The following MEOX1 variants were observed in gnomAD, a reference collection of about 807,000 sequenced individuals.
MEOX1 encodes the protein homeobox protein MOX-1.
MEOX1 carries 17 observed loss-of-function variants against 23.2 expected under a neutral mutation model. The observed-to-expected ratio is 0.73, with a 90% CI of 0.50 to 1.10. The LOEUF is 1.10. MEOX1 is among the 50% of genes least tolerant of loss of function. The probability of loss-of-function intolerance (pLI) is 0.00; values close to 1 mark genes in which losing one functional copy is unlikely to be tolerated. For missense variants in MEOX1, 333 were observed against 332.2 expected, an observed-to-expected ratio of 1.00 and a Z score of -0.02; for synonymous variants, 134 against 135.1, an observed-to-expected ratio of 0.99 and a Z score of 0.06.
intron 1 of MEOX1, among the ~76,000 whole-genome samples, chr17:43,651,175 C>T (rs540543958): frequency 1.5e-3 from 230 of 152,108 alleles, no homozygotes; most frequent in African/African-American, 4.9e-3. Flanking sequence ...AAAAATTAGC[C>T]GGGTGTGGTG....
intron 2 of MEOX1, among the ~76,000 whole-genome samples, chr17:43,643,170 G>A (rs1362276829): frequency 2.0e-5 from 3 of 152,104 alleles, no homozygotes; most frequent in Non-Finnish European, 4.4e-5. Flanking sequence ...AAAATTAGCC[G>A]GGCGTGGTGG....
At chr17:43,658,378 G>A (rs1973078590) in intron 1 of MEOX1, among the ~76,000 whole-genome samples, 1 of 152,114 alleles carries the variant, frequency 6.6e-6, no homozygotes, top group African/African-American at 2.4e-5. Flanking sequence ...GAGGGGGCGT[G>A]CGCCTATAAT....
intron 2 of MEOX1, among the ~76,000 whole-genome samples, chr17:43,643,207 G>C (rs1019292555): frequency 6.6e-6 from 1 of 152,222 alleles, no homozygotes; most frequent in Non-Finnish European, 1.5e-5. Flanking sequence ...AGCTACTTGG[G>C]AGGCTAAGGC....
At position 43,654,976 on chromosome 17, in the gene MEOX1, C is replaced by T. The variant is rs532939149; in HGVS notation, c.469+6090G>A. On this transcript the variant is annotated intron_variant, in intron 1 of 2. Coordinates refer to ENST00000318579, the MANE Select transcript of MEOX1 (RefSeq NM_004527.4). ...CTGAGGTAGGAGAATGGCATGAACC[C>T]GGGAGGCGGAGCTTGCAGTGAGCTG... Among the ~76,000 whole-genome samples the T allele has an allele frequency of 7.3e-5, 11 of 151,704 alleles. No homozygotes were observed. In the East Asian group the frequency reaches 1.6e-3, roughly 22 times the overall value.
chr17:43,651,821 G>A (rs1474117957), intron 1 of MEOX1, among the ~76,000 whole-genome samples: 1 of 152,266 alleles, frequency 6.6e-6, no homozygotes, highest in Non-Finnish European at 1.5e-5. Context: ...GCATGGGAGA[G>A]TGGCGGAGCA....
Position 43,641,855 on chromosome 17 carries a change from G to T in MEOX1, c.*55C>A. 6.4e-7 allele frequency: 1 copy of T among 1,553,198 alleles called. No individual in the cohort carries two copies. The highest frequency in any genetic ancestry group is 8.7e-7 in the Non-Finnish European group (1 of 1,147,550). On this transcript the variant is annotated 3_prime_UTR_variant, in exon 3 of 3. Transcript: ENST00000318579. ...AAGAGGGTGAAGGTGGGATTGGGGT[G>T]GGGGTAGTTGGGTAGGGGGCTCAGT...
At chr17:43,646,944 G>A (rs543111112) in intron 1 of MEOX1, among the ~76,000 whole-genome samples, 9 of 152,308 alleles carry the variant, frequency 5.9e-5, no homozygotes, top group South Asian at 2.1e-4. Context: ...CCGAGATTGC[G>A]CCATTGCTCT....
At position 43,641,770 on chromosome 17, in the gene MEOX1, G is replaced by T; in HGVS notation, c.*140C>A. The T allele has an allele frequency of 1.2e-6, 1 of 857,580 alleles. No individual in the cohort carries two copies. Among genetic ancestry groups the T allele is most frequent in the Non-Finnish European group, 1.8e-6 (1 of 563,796 alleles). 53.1% of individuals were successfully genotyped at this position (857,580 alleles called of 1,614,324 possible). On this transcript the variant is annotated 3_prime_UTR_variant, in exon 3 of 3. Coordinates refer to ENST00000318579, the MANE Select transcript of MEOX1 (RefSeq NM_004527.4). ...AATCCTAAGACTCCCAGGAATGCTG[G>T]GCAGTTTCATATCCAAGAGTCAGGG...
At position 43,661,392 on chromosome 17, in the gene MEOX1, T is replaced by C. The variant is rs1383488506; in HGVS notation, c.143A>G (p.Lys48Arg). 1 of 1,613,250 alleles carries C rather than the reference T, an allele frequency of 6.2e-7. No individual in the cohort carries two copies. Among genetic ancestry groups the C allele is most frequent in the Admixed American group, 1.7e-5 (1 of 59,982 alleles). ...YPPTPFSFHQ[K>R]PDFLATATAA... is the part of the protein sequence containing the mutation. Reference sequence around the variant, plus strand: ...CGTCGCTGTCGCCAGGAAGTCTGGTTTCTGGTGGAAGGAGAACGGGGTGGG... The same window carrying C: ...CGTCGCTGTCGCCAGGAAGTCTGGTCTCTGGTGGAAGGAGAACGGGGTGGG... The change falls in exon 1 of 3, where the codon AAA (lysine) becomes AGA (arginine). Residue 48 changes from lysine to arginine, a missense_variant. Transcript: ENST00000318579.
rs760261039 is a variant in MEOX1, at chr17:43,642,030, G to C, written c.645C>G (p.Val215=). Residue 215 remains valine (V), a splice_region_variant and synonymous_variant, in exon 3 of 3, where the codon GTC becomes GTG. Transcript: ENST00000318579. ...AVNLDLSERQ[V]KVWFQNRRMK... ...TCCTTCGGTTCTGGAACCACACTTTGACCTGGGGGAGGAAGCAAAGGAGCC... is the reference window on the plus strand; with the variant it reads ...TCCTTCGGTTCTGGAACCACACTTTCACCTGGGGGAGGAAGCAAAGGAGCC... The C allele has an allele frequency of 2.5e-6, 4 of 1,612,746 alleles. No individual in the cohort carries two copies. The African/African-American group carries it at 5.3e-5, about 22-fold the overall frequency.
chr17:43,642,194 A>G (rs1267285069), intron 2 of MEOX1, among the ~76,000 whole-genome samples, 162 bp from the exon 3 acceptor site: 3 of 152,186 alleles, frequency 2.0e-5, no homozygotes, highest in Non-Finnish European at 4.4e-5. Context: ...AGGACCGAAG[A>G]GAGGACATAC....
chr17:43,645,209 C>T (rs1217466583), intron 1 of MEOX1, among the ~76,000 whole-genome samples: 2 of 136,732 alleles, frequency 1.5e-5, no homozygotes, highest in African/African-American at 2.8e-5. Context: ...TGGAGTCTCG[C>T]TCTGTCGCCA....
chr17:43,658,958 C>T (rs987265306), intron 1 of MEOX1, among the ~76,000 whole-genome samples: 5 of 152,200 alleles, frequency 3.3e-5, no homozygotes, highest in Admixed American at 3.3e-4. Flanking sequence ...GGGAACCTCC[C>T]TCCACCAAAG....
intron 1 of MEOX1, among the ~76,000 whole-genome samples, chr17:43,646,890 G>A (rs1224428174): frequency 6.6e-6 from 1 of 152,242 alleles, no homozygotes; most frequent in Non-Finnish European, 1.5e-5. Context: ...GGGAGGCTGA[G>A]GCAGGAGAAT....
chr17:43,656,567 C>T (rs1973023352), intron 1 of MEOX1, among the ~76,000 whole-genome samples: 1 of 152,062 alleles, frequency 6.6e-6, no homozygotes, highest in Non-Finnish European at 1.5e-5. Context: ...TGGGAACACA[C>T]GTGTTGGAGC....
rs1460025705 is a variant in MEOX1, at chr17:43,641,996, T to A, written c.679A>T (p.Lys227Ter). The A allele has an allele frequency of 6.2e-7, 1 of 1,614,028 alleles. No homozygotes were observed. The highest frequency in any genetic ancestry group is 1.7e-5 in the Admixed American group (1 of 59,986). ...VWFQNRRMKW[K>*]RVKGGQPISP... is the part of the protein sequence containing the mutation. Reference sequence around the variant, plus strand: ...ATGGGCTGACCTCCCTTCACACGCTTCCACTTCATCCTTCGGTTCTGGAAC... The same window carrying A: ...ATGGGCTGACCTCCCTTCACACGCTACCACTTCATCCTTCGGTTCTGGAAC... Residue 227 changes from lysine to a stop codon, truncating the protein, a stop_gained, in exon 3 of 3, where the codon AAG (lysine) becomes TAG (stop). Transcript: ENST00000318579. LOFTEE classifies it high-confidence loss of function.
chr17:43,657,745 G>A (rs578100141), intron 1 of MEOX1, among the ~76,000 whole-genome samples: 2 of 152,268 alleles, frequency 1.3e-5, no homozygotes, highest in Admixed American at 1.3e-4. Context: ...ATGATTGCCA[G>A]AAGTTCTCTA....
intron 2 of MEOX1, 130 bp downstream of exon 2, chr17:43,643,358 G>C: frequency 1.2e-6 from 1 of 812,516 alleles, no homozygotes; most frequent in Non-Finnish European, 1.8e-6. Flanking sequence ...TCTCAGGTGT[G>C]GCCACAGTTG....
chr17:43,661,864 G>A lies in MEOX1; in HGVS notation c.-330C>T. On this transcript the variant is annotated 5_prime_UTR_variant, in exon 1 of 3. Transcript: ENST00000318579. ...TAAACATTTTCACTGTCCCAACCCA[G>A]ACGCACCAGCTGACGAGGAGTTCGT... 4.4e-6 allele frequency: 1 copy of A among 229,384 alleles called. No individual in the cohort carries two copies. Among genetic ancestry groups the A allele is most frequent in the Non-Finnish European group, 8.4e-6 (1 of 119,674 alleles). 14.2% of individuals were successfully genotyped at this position (229,384 alleles called of 1,614,324 possible).
Sources: allele counts gnomAD v4.1 joint callset (sites outside exome capture counted in the v4.1 genomes callset), GRCh38; gene constraint gnomAD v4.1.1; transcripts MANE v1.5; gene names NCBI Gene and HGNC (gene_info 2026-07-23, HGNC 2026-07-21).